ITGB8: variants seen among roughly 807,000 people sequenced by gnomAD.
ITGB8 encodes the protein integrin subunit beta 8.
Under a neutral mutation model 89.5 loss-of-function variants are expected in ITGB8, and 30 were observed. That is an observed-to-expected ratio of 0.34 (90% CI 0.25 to 0.45). The LOEUF (loss-of-function observed/expected upper bound fraction) is 0.45, where lower values mean the gene tolerates loss of function less well. ITGB8 is among the 20% of genes least tolerant of loss of function. The pLI, the probability that ITGB8 is intolerant of heterozygous loss-of-function variation, is 1.00. For missense variants in ITGB8, 836 were observed against 933.3 expected, an observed-to-expected ratio of 0.90 and a Z score of 1.36; for synonymous variants, 335 against 320.4, an observed-to-expected ratio of 1.05 and a Z score of -0.49.
chr7:20,377,871 T>C (rs781281400), intron 3 of ITGB8, among the ~76,000 whole-genome samples: 2 of 152,186 alleles, frequency 1.3e-5, no homozygotes, highest in Non-Finnish European at 2.9e-5. Context: ...AACATCTGAT[T>C]TGTGAAATAA....
intron 6 of ITGB8, among the ~76,000 whole-genome samples, chr7:20,386,779 T>G (rs1786645091): frequency 6.6e-6 from 1 of 152,248 alleles, no homozygotes; most frequent in East Asian, 1.9e-4. Context: ...TTTGCAAAAG[T>G]GACACAATAA....
intron 1 of ITGB8, among the ~76,000 whole-genome samples, chr7:20,350,688 G>A (rs1023217250): frequency 6.6e-5 from 10 of 152,212 alleles, no homozygotes; most frequent in Non-Finnish European, 1.0e-4. Flanking sequence ...AGTTTATGAA[G>A]CCGAGGCCAG....
At chr7:20,350,803 C>G (rs1785089479) in intron 1 of ITGB8, among the ~76,000 whole-genome samples, 2 of 152,240 alleles carry the variant, frequency 1.3e-5, no homozygotes, top group Admixed American at 1.3e-4. Context: ...CAACTCCGAA[C>G]ACCACTTCCT....
At chr7:20,388,800 TGACA>T (rs1478759500) in intron 6 of ITGB8, among the ~76,000 whole-genome samples, 1 of 152,096 alleles carries the variant, frequency 6.6e-6, no homozygotes, top group East Asian at 1.9e-4. Flanking sequence ...CCCCAACCCC[TGACA>T]GGCCCTGGTG....
chr7:20,355,161 C>G (rs1332075801), intron 1 of ITGB8, among the ~76,000 whole-genome samples: 1 of 152,228 alleles, frequency 6.6e-6, no homozygotes, highest in African/African-American at 2.4e-5. Context: ...TCCAACCCCA[C>G]TCCTCCCCGT....
chr7:20,351,828 AT>A (rs202217710), intron 1 of ITGB8, among the ~76,000 whole-genome samples: 1 of 151,820 alleles, frequency 6.6e-6, no homozygotes. Flanking sequence ...ATCCTAGGGC[AT>A]TTTTTTTAAC....
chr7:20,338,887 TATTATTTTAAAAA>T (rs71553985), intron 1 of ITGB8, among the ~76,000 whole-genome samples: 28,107 of 152,138 alleles, frequency 0.18, 3,403 homozygotes, highest in Non-Finnish European at 0.26. Context: ...TATTTCCCTC[TATTATTTTAAAAA>T]ATATCTTAGA....
chr7:20,333,127 T>C (rs2128123715), intron 1 of ITGB8, among the ~76,000 whole-genome samples: 1 of 152,232 alleles, frequency 6.6e-6, no homozygotes, highest in East Asian at 1.9e-4. Context: ...CATAACCTTA[T>C]AAGTAGGTTT....
chr7:20,410,115 T>C lies in ITGB8; in HGVS notation c.*118T>C. 2.0e-6 allele frequency: 2 copies of C among 994,696 alleles called. No individual in the cohort carries two copies. Among genetic ancestry groups the C allele is most frequent in the Admixed American group, 2.4e-5 (1 of 40,900 alleles). 61.6% of individuals were successfully genotyped at this position (994,696 alleles called of 1,614,324 possible). A position where few individuals can be genotyped will look rare whatever the true frequency, so the allele number is the denominator to read the frequency against. ...GCTCACGGTCATGCCAGTTGCTGGT[T>C]GTACACTCGAACGAAGACTGACAAG... On this transcript the variant is annotated 3_prime_UTR_variant, in exon 14 of 14. Transcript: ENST00000222573.
intron 1 of ITGB8, among the ~76,000 whole-genome samples, chr7:20,351,735 G>A (rs1294050723): frequency 6.6e-6 from 1 of 152,166 alleles, no homozygotes; most frequent in African/African-American, 2.4e-5. Context: ...AATATAGAGT[G>A]TTGCTTTGCT....
chr7:20,333,598 C>T (rs1171264686), intron 1 of ITGB8, among the ~76,000 whole-genome samples: 1 of 140,258 alleles, frequency 7.1e-6, no homozygotes, highest in Non-Finnish European at 1.6e-5. Flanking sequence ...ATTAACTGTG[C>T]TTATAAACAT....
intron 10 of ITGB8, among the ~76,000 whole-genome samples, chr7:20,404,242 T>C (rs190383739): frequency 6.6e-6 from 1 of 152,378 alleles, no homozygotes. Context: ...ATGGAAGCCA[T>C]ATCAAATACC....
At chr7:20,408,335 C>T (rs909510051) in intron 12 of ITGB8, among the ~76,000 whole-genome samples, 2 of 149,158 alleles carry the variant, frequency 1.3e-5, no homozygotes, top group East Asian at 2.0e-4. Context: ...CCAGTTGTAG[C>T]ACTGGGATAG....
chr7:20,368,768 C>T (rs1045053229), intron 3 of ITGB8, among the ~76,000 whole-genome samples: 2 of 152,018 alleles, frequency 1.3e-5, no homozygotes, highest in African/African-American at 2.4e-5. Flanking sequence ...TGTATTTTAA[C>T]GTTATAGTTG....
At chr7:20,387,378 T>G (rs143599776) in intron 6 of ITGB8, among the ~76,000 whole-genome samples, 5 of 152,216 alleles carry the variant, frequency 3.3e-5, no homozygotes, top group Admixed American at 6.5e-5. Flanking sequence ...TTTACGAAGT[T>G]AACCTATTTA....
intron 1 of ITGB8, among the ~76,000 whole-genome samples, chr7:20,343,530 T>G (rs997222177): frequency 6.6e-6 from 1 of 152,124 alleles, no homozygotes; most frequent in African/African-American, 2.4e-5. Flanking sequence ...GCCCTATCCC[T>G]AAAACCCTGC....
At chr7:20,386,737 T>C (rs1235647672) in intron 6 of ITGB8, among the ~76,000 whole-genome samples, 1 of 152,110 alleles carries the variant, frequency 6.6e-6, no homozygotes, top group African/African-American at 2.4e-5. Context: ...GCTCTGCTTG[T>C]GTAATGCCTT....
intron 3 of ITGB8, among the ~76,000 whole-genome samples, chr7:20,370,596 C>T (rs1029861197): frequency 2.0e-4 from 28 of 136,630 alleles, no homozygotes; most frequent in South Asian, 4.4e-4. Flanking sequence ...TATTTATTTA[C>T]TTATTTATTA....
At chr7:20,366,802 C>G (rs982529058) in intron 2 of ITGB8, 2 of 458,070 alleles carry the variant, frequency 4.4e-6, no homozygotes, top group East Asian at 8.4e-5. Flanking sequence ...AAACTTCAGT[C>G]TGAGCTTTTC....
Sources: gnomAD v4.1 joint callset for allele counts (sites outside exome capture counted in the v4.1 genomes callset) on GRCh38, gnomAD v4.1.1 for gene constraint, MANE v1.5 for transcripts, NCBI Gene and HGNC (gene_info 2026-07-23, HGNC 2026-07-21) for gene names.